The following GPR39 variants were observed in gnomAD, a reference collection of about 807,000 sequenced individuals.
The protein encoded by GPR39 is zinc sensing receptor.
GPR39 carries 23 observed loss-of-function variants against 18.4 expected under a neutral mutation model. The ratio of observed to expected loss-of-function variants is 1.25; its 90% CI spans 0.90 to 1.77. The LOEUF (loss-of-function observed/expected upper bound fraction) is 1.77. Among genes scored for constraint, GPR39 ranks in the 40% most tolerant of loss-of-function variants. The pLI is 0.00. For synonymous variants in GPR39, 280 were observed against 257.9 expected (o/e 1.09, Z -0.82); for missense variants, 647 against 602.4 (o/e 1.07, Z -0.78).
chr2:132,482,732 C>T (rs1331260402), intron 1 of GPR39, among the ~76,000 whole-genome samples: 1 of 152,140 alleles, frequency 6.6e-6, no homozygotes, highest in Non-Finnish European at 1.5e-5. Context: ...GCCAGTGAAC[C>T]TATATTTTCT....
chr2:132,434,406 G>T (rs1680275509), intron 1 of GPR39, among the ~76,000 whole-genome samples: 1 of 152,196 alleles, frequency 6.6e-6, no homozygotes. Flanking sequence ...TTATGTTGAT[G>T]CTTTGTCCTT....
intron 1 of GPR39, among the ~76,000 whole-genome samples, chr2:132,514,004 G>T (rs1382109993): frequency 6.6e-6 from 1 of 152,224 alleles, no homozygotes. Flanking sequence ...ATAACTTGCA[G>T]TCCACCTTCC....
chr2:132,427,889 A>ATAAT (rs1553446903), intron 1 of GPR39, among the ~76,000 whole-genome samples: 3 of 142,282 alleles, frequency 2.1e-5, no homozygotes, highest in African/African-American at 7.8e-5. Context: ...ATATATATAT[A>ATAAT]ATATATATAT....
chr2:132,418,092 G>A (rs1449042556), intron 1 of GPR39, among the ~76,000 whole-genome samples, 194 bp downstream of exon 1: 1 of 152,142 alleles, frequency 6.6e-6, no homozygotes, highest in Non-Finnish European at 1.5e-5. Flanking sequence ...TGTGTTTCGG[G>A]GATTCATGGT....
chr2:132,475,393 T>TGG (rs1318609069), intron 1 of GPR39, among the ~76,000 whole-genome samples: 3 of 151,898 alleles, frequency 2.0e-5, no homozygotes, highest in Admixed American at 1.3e-4. Flanking sequence ...GAGGGGTAGT[T>TGG]GGGGGCAGAT....
chr2:132,417,959 C>CCA (rs1679942468), intron 1 of GPR39, 61 bp downstream of exon 1: 1 of 1,519,498 alleles, frequency 6.6e-7, no homozygotes, highest in Admixed American at 1.9e-5. Context: ...ACGACCCGTG[C>CCA]CACTGCCTGT....
At chr2:132,548,111 C>CCTCCCCTT (rs1289410867) in intron 1 of GPR39, among the ~76,000 whole-genome samples, 3 of 152,130 alleles carry the variant, frequency 2.0e-5, no homozygotes, top group Non-Finnish European at 4.4e-5. Flanking sequence ...AAATCATCCT[C>CCTCCCCTT]CTCCCCTTCC....
Position 132,646,350 on chromosome 2 carries a change from A to AATCCAAACGGACAGCTCTTCCTT in GPR39, c.*746_*768dup. The AATCCAAACGGACAGCTCTTCCTT allele has an allele frequency of 9.2e-7, 1 of 1,089,314 alleles. No individual in the cohort carries two copies. Among genetic ancestry groups the AATCCAAACGGACAGCTCTTCCTT allele is most frequent in the Non-Finnish European group, 1.2e-6 (1 of 805,360 alleles). The allele number at this position is 1,089,314 out of a possible 1,614,324, so 67.5% of individuals were successfully genotyped here. ...AAGAATAGCTGTCCCTCTCAGCCCA[A>AATCCAAACGGACAGCTCTTCCTT]ATCCAAACGGACAGCTCTTCCTTAC... On this transcript the variant is annotated 3_prime_UTR_variant, in exon 2 of 2. Transcript: ENST00000329321.
intron 1 of GPR39, among the ~76,000 whole-genome samples, chr2:132,635,097 T>C (rs74894345): frequency 0.033 from 4,976 of 152,224 alleles, 243 homozygotes; most frequent in African/African-American, 0.11. Flanking sequence ...TCCCACTCTT[T>C]CTTTTTCTTC....
At chr2:132,480,662 C>T (rs1028852542) in intron 1 of GPR39, among the ~76,000 whole-genome samples, 18 of 152,144 alleles carry the variant, frequency 1.2e-4, no homozygotes, top group African/African-American at 4.1e-4. Context: ...AGGTTCCCAA[C>T]CAATGCTAAC....
At chr2:132,552,813 TG>T (rs1680067032) in intron 1 of GPR39, among the ~76,000 whole-genome samples, 1 of 142,410 alleles carries the variant, frequency 7.0e-6, no homozygotes, top group South Asian at 2.2e-4. Context: ...TGTGTGTGTG[TG>T]TGTGTATGTA....
At chr2:132,587,912 C>A (rs950027885) in intron 1 of GPR39, among the ~76,000 whole-genome samples, 1 of 152,140 alleles carries the variant, frequency 6.6e-6, no homozygotes, top group African/African-American at 2.4e-5. Flanking sequence ...ACAGAGAGGG[C>A]AGTCTATTAT....
intron 1 of GPR39, among the ~76,000 whole-genome samples, chr2:132,536,829 C>T (rs535078961): frequency 0.015 from 2,270 of 152,256 alleles, 70 homozygotes; most frequent in African/African-American, 0.052. Context: ...TAATGCACTT[C>T]TTGGTCTTTT....
At chr2:132,481,640 C>T (rs1245723584) in intron 1 of GPR39, among the ~76,000 whole-genome samples, 1 of 152,198 alleles carries the variant, frequency 6.6e-6, no homozygotes, top group African/African-American at 2.4e-5. Context: ...ATACATATTT[C>T]AGCCCTGAAA....
chr2:132,416,965 C>T lies in GPR39; in HGVS notation c.-78C>T. On this transcript the variant is annotated 5_prime_UTR_variant, in exon 1 of 2. Transcript: ENST00000329321. ...GCGCCCACGCAGGTGAGTTTGCAGCCAAGAATTTTGGACGCTGCTGGGAGG... is the reference window on the plus strand; with the variant it reads ...GCGCCCACGCAGGTGAGTTTGCAGCTAAGAATTTTGGACGCTGCTGGGAGG... The T allele has an allele frequency of 2.6e-6, 4 of 1,538,080 alleles. No homozygotes were observed. The highest frequency in any genetic ancestry group is 3.5e-6 in the Non-Finnish European group (4 of 1,139,630).
At chr2:132,621,556 C>T (rs1177496438) in intron 1 of GPR39, among the ~76,000 whole-genome samples, 2 of 152,178 alleles carry the variant, frequency 1.3e-5, no homozygotes, top group Non-Finnish European at 2.9e-5. Context: ...CCTGAGATGT[C>T]GCTTATCACC....
chr2:132,450,963 A>C (rs1276266169), intron 1 of GPR39, among the ~76,000 whole-genome samples: 2 of 152,166 alleles, frequency 1.3e-5, no homozygotes, highest in Non-Finnish European at 2.9e-5. Context: ...GCTGATTTTC[A>C]GCCCAAATTC....
Position 132,639,933 on chromosome 2 carries a change from A to T in GPR39, c.857-5168A>T, listed in dbSNP as rs540145176. Among the ~76,000 whole-genome samples the T allele has an allele frequency of 1.2e-3, 180 of 147,390 alleles. 1 individual carries two copies. Among genetic ancestry groups the T allele is most frequent in the African/African-American group, 4.6e-3 (178 of 38,304 alleles). ...AAACCCTAAAATTACAGTTAAAAAAAAATAATGGGCTTGCTTGGCAATCGA... is the reference window on the plus strand; with the variant it reads ...AAACCCTAAAATTACAGTTAAAAAATAATAATGGGCTTGCTTGGCAATCGA... On this transcript the variant is annotated intron_variant, in intron 1 of 1. Coordinates refer to ENST00000329321, the MANE Select transcript of GPR39 (RefSeq NM_001508.3).
intron 1 of GPR39, among the ~76,000 whole-genome samples, chr2:132,531,322 C>T (rs1223102505): frequency 6.6e-6 from 1 of 152,208 alleles, no homozygotes; most frequent in Non-Finnish European, 1.5e-5. Flanking sequence ...AATATATATG[C>T]ACCCGATACA....
Sources: gnomAD v4.1 joint callset for allele counts (sites outside exome capture counted in the v4.1 genomes callset) on GRCh38, gnomAD v4.1.1 for gene constraint, MANE v1.5 for transcripts, NCBI Gene and HGNC (gene_info 2026-07-23, HGNC 2026-07-21) for gene names.